SBNO2: variants seen among roughly 807,000 people sequenced by gnomAD.
SBNO2 encodes the protein strawberry notch homolog 2, also known as protein strawberry notch homolog 2.
A neutral mutation model predicts 146.3 loss-of-function variants in SBNO2; 89 were observed. The ratio of observed to expected loss-of-function variants is 0.61; its 90% CI spans 0.51 to 0.73. The LOEUF (loss-of-function observed/expected upper bound fraction) is 0.73. Among genes scored for constraint, SBNO2 ranks in the 30% least tolerant of loss-of-function variants. The pLI is 0.00. For missense variants in SBNO2, 2,092 were observed against 2,003.7 expected (o/e 1.04, Z -0.84); for synonymous variants, 1,147 against 892.6 (o/e 1.29, Z -5.08).
At chr19:1,118,004 TG>T (rs944296015) in intron 14 of SBNO2, among the ~76,000 whole-genome samples, 2 of 152,156 alleles carry the variant, frequency 1.3e-5, no homozygotes, top group Non-Finnish European at 2.9e-5. Flanking sequence ...AACCCGGCCC[TG>T]GGGGTTACGG....
intron 4 of SBNO2, among the ~76,000 whole-genome samples, chr19:1,130,139 T>A (rs1044192837): frequency 6.6e-6 from 1 of 152,060 alleles, no homozygotes; most frequent in Non-Finnish European, 1.5e-5. Context: ...CGTGGGGTCC[T>A]GGGCAGGAAA....
chr19:1,111,774 C>G (rs891247141), intron 23 of SBNO2, among the ~76,000 whole-genome samples, 160 bp from the exon 24 acceptor site: 4 of 150,946 alleles, frequency 2.6e-5, no homozygotes, highest in Non-Finnish European at 4.4e-5. Flanking sequence ...ACCTCCTCCC[C>G]GGGGGTCCTA....
At chr19:1,172,463 G>C (rs1295633621) in intron 1 of SBNO2, among the ~76,000 whole-genome samples, 2 of 152,146 alleles carry the variant, frequency 1.3e-5, no homozygotes, top group African/African-American at 4.8e-5. Flanking sequence ...TGGGAAGAAA[G>C]GGCGTGGACG....
In SBNO2 at chr19:1,140,696, AACAG is replaced by A. The variant is rs1259552898; in HGVS notation, c.279+6609_279+6612del. Among the ~76,000 whole-genome samples the A allele has an allele frequency of 2.0e-5, 3 of 152,190 alleles. No individual in the cohort carries two copies. The highest frequency in any genetic ancestry group is 4.4e-5 in the Non-Finnish European group (3 of 68,034). ...CGTCAGCAGGAGAAGGCACACGGAA[AACAG>A]ACGGACGCAGCAGGGATGCCCGCAG... On this transcript the variant is annotated intron_variant, in intron 4 of 31. Coordinates refer to ENST00000361757, the MANE Select transcript of SBNO2 (RefSeq NM_014963.3). This position sits in a 1 kb window ranked among gnomAD's most constrained non-coding sequence, Gnocchi z 4.4.
At chr19:1,154,116 G>GGGCACTCGGAGCGGGGCAAGT in intron 2 of SBNO2, 68 bp downstream of exon 2, 1 of 751,386 alleles carries the variant, frequency 1.3e-6, no homozygotes, top group Non-Finnish European at 1.8e-6. Flanking sequence ...ACGTGACCCC[G>GGGCACTCGGAGCGGGGCAAGT]GGCACTCGGA....
chr19:1,164,539 G>GAGC (rs2080385938), intron 1 of SBNO2, among the ~76,000 whole-genome samples: 5 of 120,222 alleles, frequency 4.2e-5, no homozygotes, highest in Admixed American at 8.4e-5. Flanking sequence ...GGAGGAGGAG[G>GAGC]AGGAGGAGGA....
chr19:1,119,132 T>A lies in SBNO2; in HGVS notation c.1406A>T (p.Asp469Val). ...GVGAMEIVAM[D>V]MKVSGMYIAR... ...GATGTACATGCCGCTGACCTTCATGTCCATGGCCACGATCTCCATGGCGCC... is the reference window on the plus strand; with the variant it reads ...GATGTACATGCCGCTGACCTTCATGACCATGGCCACGATCTCCATGGCGCC... Residue 469 changes from aspartate to valine, a missense_variant, in exon 14 of 32, where the codon GAC (aspartate) becomes GTC (valine). Coordinates refer to ENST00000361757, the MANE Select transcript of SBNO2 (RefSeq NM_014963.3). 1 of 1,604,056 alleles carries A rather than the reference T, an allele frequency of 6.2e-7. No homozygotes were observed.
chr19:1,119,389 C>T, intron 13 of SBNO2, 127 bp downstream of exon 13: 3 of 891,740 alleles, frequency 3.4e-6, no homozygotes, highest in African/African-American at 1.7e-5. Flanking sequence ...GTGAAACGAG[C>T]GACCCACATT....
rs749248821 is a variant in SBNO2, at chr19:1,123,997, G to A, written c.467C>T (p.Ala156Val). 5 of 1,611,894 alleles carry A rather than the reference G, an allele frequency of 3.1e-6. No homozygotes were observed. Among genetic ancestry groups the A allele is most frequent in the Non-Finnish European group, 4.2e-6 (5 of 1,179,350 alleles). ...GGAGGGCAGAAAGTCCTCGAAGCCT[G>A]CAAACGGCCTGCTGAGCTGGAACAG... Reference protein sequence around the residue: ...DKLFQLSRPFAGFEDFLPSHS... With the variant: ...DKLFQLSRPFVGFEDFLPSHS... The change falls in exon 6 of 32, where the codon GCA (alanine) becomes GTA (valine). Residue 156 changes from alanine to valine, a missense_variant. Physicochemically the swap from Ala to Val is moderately conservative, Grantham distance 64 (BLOSUM62 0). Coordinates refer to ENST00000361757, the MANE Select transcript of SBNO2 (RefSeq NM_014963.3).
intron 1 of SBNO2, among the ~76,000 whole-genome samples, chr19:1,159,484 A>T (rs565153241): frequency 5.1e-5 from 1 of 19,738 alleles, no homozygotes. Context: ...TGGGGACAGC[A>T]GGGGACAGTG....
intron 17 of SBNO2, among the ~76,000 whole-genome samples, chr19:1,114,789 C>G (rs1402350871): frequency 1.3e-5 from 2 of 152,132 alleles, no homozygotes; most frequent in Admixed American, 1.3e-4. Flanking sequence ...CGCCCACCAC[C>G]ACGCCTGGCT....
chr19:1,140,852 C>T lies in SBNO2; in HGVS notation c.279+6457G>A, dbSNP rs993319891. Among the ~76,000 whole-genome samples the T allele has an allele frequency of 9.2e-5, 14 of 152,266 alleles. No homozygotes were observed. The East Asian group carries it at 9.7e-4, about 11-fold the overall frequency. ...GTGAAGGAACCCCGTCCCCGCCAAG[C>T]GGCCAAAGTTACCAGCATCAGCACA... On this transcript the variant is annotated intron_variant, in intron 4 of 31. Transcript: ENST00000361757. The surrounding 1 kb of genome is among the most constrained non-coding windows in gnomAD (Gnocchi z 4.4).
chr19:1,126,279 TA>T lies in SBNO2; in HGVS notation c.441+1324del, dbSNP rs369630224. Among the ~76,000 whole-genome samples, 39 of 152,036 alleles carry T rather than the reference TA, an allele frequency of 2.6e-4. No homozygotes were observed. Among genetic ancestry groups the T allele is most frequent in the African/African-American group, 9.2e-4 (38 of 41,442 alleles). On this transcript the variant is annotated intron_variant, in intron 5 of 31. Transcript: ENST00000361757. This position sits in a 1 kb window ranked among gnomAD's most constrained non-coding sequence, Gnocchi z 4.4. ...CTCAGTTGCCCTCTCCTTTTTTTTT[TA>T]AGTTAACAAAACACAAAAAAACAGA... is the stretch of plus-strand genomic sequence containing the variant.
chr19:1,133,756 C>A (rs1452473907), intron 4 of SBNO2, among the ~76,000 whole-genome samples: 1 of 151,930 alleles, frequency 6.6e-6, no homozygotes, highest in Non-Finnish European at 1.5e-5. Context: ...ACCGCTCAAC[C>A]CAGTAGCCAA....
In SBNO2 at chr19:1,158,724, G is replaced by A. The variant is rs999139235; in HGVS notation, c.-126-4322C>T. On this transcript the variant is annotated intron_variant, in intron 1 of 31. Transcript: ENST00000361757. The surrounding 1 kb of genome is among the most constrained non-coding windows in gnomAD (Gnocchi z 9.9). The stretch of plus-strand genomic sequence containing the variant: ...CGCATTACCTCAGCCGAGGTTCTCC[G>A]GGCAGGCACAAGGCGCTCCCTGCGT... Among the ~76,000 whole-genome samples the A allele has an allele frequency of 4.6e-5, 7 of 152,154 alleles. No individual in the cohort carries two copies. Among genetic ancestry groups the A allele is most frequent in the South Asian group, 2.1e-4 (1 of 4,832 alleles).
Position 1,108,723 on chromosome 19 carries a change from G to A in SBNO2, c.3617-19C>T, listed in dbSNP as rs1400182115. On this transcript the variant is annotated intron_variant, in intron 31 of 31. Transcript: ENST00000361757. ...TTGATGCCTGCGGGCAGAGCGTCGGGGTCAGGGCCGGCGCTGGGGGCTCGG... is the reference window on the plus strand; with the variant it reads ...TTGATGCCTGCGGGCAGAGCGTCGGAGTCAGGGCCGGCGCTGGGGGCTCGG... 5.1e-6 allele frequency: 8 copies of A among 1,570,492 alleles called. No homozygotes were observed. Among genetic ancestry groups the A allele is most frequent in the Non-Finnish European group, 6.9e-6 (8 of 1,166,166 alleles).
chr19:1,124,151 G>A (rs982399491), intron 5 of SBNO2, 129 bp from the exon 6 acceptor site: 1 of 854,918 alleles, frequency 1.2e-6, no homozygotes, highest in Non-Finnish European at 1.9e-6. Flanking sequence ...CGCTCCCCAG[G>A]GCCCTGGGTC....
intron 4 of SBNO2, among the ~76,000 whole-genome samples, chr19:1,139,530 C>T (rs948912973): frequency 3.3e-5 from 5 of 151,996 alleles, no homozygotes; most frequent in African/African-American, 7.2e-5. Context: ...CGTGGTGGCT[C>T]GCACCTGTAA....
Position 1,123,279 on chromosome 19 carries a change from G to A in SBNO2, c.629-234C>T, listed in dbSNP as rs372788392. Among the ~76,000 whole-genome samples, 158 of 152,148 alleles carry A rather than the reference G, an allele frequency of 1.0e-3. 1 individual carries two copies. Among genetic ancestry groups the A allele is most frequent in the African/African-American group, 3.6e-3 (149 of 41,506 alleles). On this transcript the variant is annotated intron_variant, in intron 7 of 31. Coordinates refer to ENST00000361757, the MANE Select transcript of SBNO2 (RefSeq NM_014963.3). ...GCGGCCTGCTGGGTTGGTTGGGGGC[G>A]TGGCCAGCGGCTTGCAGGAGGGGCA...
Sources: gnomAD v4.1 joint callset for allele counts (sites outside exome capture counted in the v4.1 genomes callset) on GRCh38, gnomAD v4.1.1 for gene constraint, Gnocchi (gnomAD v3.1) non-coding constraint, MANE v1.5 for transcripts, NCBI Gene and HGNC (gene_info 2026-07-23, HGNC 2026-07-21) for gene names.